ADD2: variants seen among roughly 807,000 people sequenced by gnomAD.
The protein encoded by ADD2 is beta-adducin.
ADD2 carries 23 observed loss-of-function variants against 83.0 expected under a neutral mutation model. The observed-to-expected ratio is 0.28, with a 90% confidence interval of 0.20 to 0.39. The LOEUF (loss-of-function observed/expected upper bound fraction) is 0.39, where lower values mean the gene tolerates loss of function less well. Among genes scored for constraint, ADD2 ranks in the 10% least tolerant of loss-of-function variants. The pLI is 1.00. For missense variants in ADD2, 758 were observed against 944.9 expected, an observed-to-expected ratio of 0.80 and a Z score of 2.59; for synonymous variants, 375 against 375.4, an observed-to-expected ratio of 1.00 and a Z score of 0.01.
intron 1 of ADD2, among the ~76,000 whole-genome samples, chr2:70,746,027 T>C (rs1674174470): frequency 1.3e-5 from 2 of 152,244 alleles, no homozygotes; most frequent in African/African-American, 4.8e-5. Flanking sequence ...ATATCCCTTT[T>C]TCAGAACTCA....
chr2:70,699,709 G>A (rs537506560), intron 4 of ADD2, among the ~76,000 whole-genome samples: 2 of 152,284 alleles, frequency 1.3e-5, no homozygotes, highest in Non-Finnish European at 2.9e-5. Context: ...GAGCCCAGGA[G>A]GTTGAGGCTG....
intron 1 of ADD2, among the ~76,000 whole-genome samples, chr2:70,720,728 G>A (rs1328964060): frequency 6.6e-6 from 1 of 152,164 alleles, no homozygotes; most frequent in Non-Finnish European, 1.5e-5. Context: ...ACAATGCTAT[G>A]TGCTCCCCAA....
rs1675425367 is a variant in ADD2 at position 70,658,190 on chromosome 2, G to T, written c.*5235C>A. 6.6e-6 allele frequency: 1 copy of T among 152,154 alleles called. No homozygotes were observed. The highest frequency in any genetic ancestry group is 1.5e-5 in the Non-Finnish European group (1 of 68,046). The allele number at this position is 152,154 out of a possible 1,614,324, so 9.4% of individuals were successfully genotyped here. ...ATTGTCTCTATAAAAATGATGAAAG[G>T]TGTTCTCCACTAAGGGACACCCCAC... On this transcript the variant is annotated 3_prime_UTR_variant, in exon 16 of 16. Transcript: ENST00000264436.
At chr2:70,757,580 G>C (rs1254922415) in intron 1 of ADD2, among the ~76,000 whole-genome samples, 1 of 152,104 alleles carries the variant, frequency 6.6e-6, no homozygotes, top group Non-Finnish European at 1.5e-5. Flanking sequence ...GAAATATGGT[G>C]TTAAGAGGGA....
intron 1 of ADD2, among the ~76,000 whole-genome samples, chr2:70,740,735 T>C (rs538073186): frequency 2.0e-4 from 30 of 152,342 alleles, no homozygotes; most frequent in African/African-American, 6.5e-4. Flanking sequence ...GGTCTCACTC[T>C]GTTACCCAGG....
intron 3 of ADD2, among the ~76,000 whole-genome samples, chr2:70,705,258 A>G (rs1446422106): frequency 6.6e-6 from 1 of 151,998 alleles, no homozygotes; most frequent in African/African-American, 2.4e-5. Flanking sequence ...CAGCTCCCCA[A>G]CACAATATCT....
At chr2:70,697,982 GACA>G (rs1671395647) in intron 4 of ADD2, among the ~76,000 whole-genome samples, 1 of 152,312 alleles carries the variant, frequency 6.6e-6, no homozygotes, top group South Asian at 2.1e-4. Flanking sequence ...GACTGCCAAG[GACA>G]ACAACAAACT....
At chr2:70,691,398 G>A (rs1025479419) in intron 7 of ADD2, among the ~76,000 whole-genome samples, 3 of 152,054 alleles carry the variant, frequency 2.0e-5, no homozygotes, top group Non-Finnish European at 4.4e-5. Flanking sequence ...AACAAACAGA[G>A]AGGCCCATTG....
chr2:70,724,617 C>G (rs548843864), intron 1 of ADD2, among the ~76,000 whole-genome samples: 2 of 152,330 alleles, frequency 1.3e-5, no homozygotes, highest in South Asian at 4.1e-4. Context: ...TCTAGGCCCC[C>G]CTGCCAGGCT....
At chr2:70,665,827 T>TTTTTTTTTTTTTC (rs1172785596) in intron 15 of ADD2, among the ~76,000 whole-genome samples, 12 of 151,634 alleles carry the variant, frequency 7.9e-5, no homozygotes, top group African/African-American at 2.9e-4. Flanking sequence ...TGTTTTTTTT[T>TTTTTTTTTTTTTC]TTTTCCCGAA....
rs1675610228 is a variant in ADD2, at chr2:70,663,347, G to A, written c.*78C>T. 3.4e-6 allele frequency: 5 copies of A among 1,475,346 alleles called. No individual in the cohort carries two copies. Among genetic ancestry groups the A allele is most frequent in the African/African-American group, 1.4e-5 (1 of 71,494 alleles). 91.4% of individuals were successfully genotyped at this position (1,475,346 alleles called of 1,614,324 possible). A position where few individuals can be genotyped will look rare whatever the true frequency, so the allele number is the denominator to read the frequency against. On this transcript the variant is annotated 3_prime_UTR_variant, in exon 16 of 16. Coordinates refer to ENST00000264436, the MANE Select transcript of ADD2 (RefSeq NM_001617.4). ...TCCTACTCTATCCCTCCTTAGCCCT[G>A]TGCTTGCAGGGACAGAGATGGGAGA...
chr2:70,690,740 T>C, intron 8 of ADD2, 46 bp downstream of exon 8: 2 of 1,575,788 alleles, frequency 1.3e-6, no homozygotes, highest in East Asian at 4.5e-5. Flanking sequence ...ATGTTGGCTT[T>C]TGACAATGCC....
At chr2:70,696,760 T>C (rs1486642188) in intron 4 of ADD2, among the ~76,000 whole-genome samples, 1 of 152,186 alleles carries the variant, frequency 6.6e-6, no homozygotes, top group African/African-American at 2.4e-5. Context: ...GTATATTTCA[T>C]CAGTTATTAT....
At chr2:70,667,925 A>C (rs1156972279) in intron 15 of ADD2, among the ~76,000 whole-genome samples, 4 of 152,196 alleles carry the variant, frequency 2.6e-5, no homozygotes, top group Non-Finnish European at 4.4e-5. Flanking sequence ...GTCCAGGATT[A>C]GCATTTGAAT....
In ADD2 at chr2:70,715,327, G is replaced by A. The variant is rs145226705; in HGVS notation, c.-153-2143C>T. ...AGAACCCTCTGAGCCTGCTGAAGCT[G>A]CTGTACCAAGCACAGCATCACCTCT... On this transcript the variant is annotated intron_variant, in intron 1 of 15. Coordinates refer to ENST00000264436, the MANE Select transcript of ADD2 (RefSeq NM_001617.4). Among the ~76,000 whole-genome samples, 114 of 152,330 alleles carry A rather than the reference G, an allele frequency of 7.5e-4. 1 individual carries two copies. Among genetic ancestry groups the A allele is most frequent in the African/African-American group, 2.5e-3 (104 of 41,576 alleles).
At chr2:70,691,014 C>G in intron 7 of ADD2, 85 bp from the exon 8 acceptor site, 1 of 1,470,232 alleles carries the variant, frequency 6.8e-7, no homozygotes, top group Non-Finnish European at 9.0e-7. Flanking sequence ...ACTCTGGGGG[C>G]CAGTGAGGGG....
chr2:70,716,087 C>T (rs1056103095), intron 1 of ADD2, among the ~76,000 whole-genome samples: 1 of 152,158 alleles, frequency 6.6e-6, no homozygotes, highest in Non-Finnish European at 1.5e-5. Context: ...GCCTTTATTA[C>T]CAAAATGGCA....
chr2:70,768,155 C>A lies in ADD2; in HGVS notation c.-423G>T. The stretch of plus-strand genomic sequence containing the variant: ...TCCCGCTAGTCCCTCACAGCCCTGC[C>A]GTCAGAATTAAAGCCATTTCCCGCA... On this transcript the variant is annotated 5_prime_UTR_variant, in exon 1 of 16. Coordinates refer to ENST00000264436, the MANE Select transcript of ADD2 (RefSeq NM_001617.4). 2 of 611,462 alleles carry A rather than the reference C, an allele frequency of 3.3e-6. No homozygotes were observed. The highest frequency in any genetic ancestry group is 2.0e-5 in the South Asian group (1 of 50,372). The allele number at this position is 611,462 out of a possible 1,614,324, so 37.9% of individuals were successfully genotyped here.
chr2:70,759,375 T>C (rs1674964467), intron 1 of ADD2, among the ~76,000 whole-genome samples: 1 of 152,186 alleles, frequency 6.6e-6, no homozygotes, highest in Non-Finnish European at 1.5e-5. Context: ...GAATCAACCT[T>C]GTTTGAAGCT....
Sources: allele counts gnomAD v4.1 joint callset (sites outside exome capture counted in the v4.1 genomes callset), GRCh38; gene constraint gnomAD v4.1.1; transcripts MANE v1.5; gene names NCBI Gene and HGNC (gene_info 2026-07-23, HGNC 2026-07-21).